The following SCN1A variants were observed in gnomAD, a reference collection of about 807,000 sequenced individuals.
SCN1A encodes the protein sodium channel protein type 1 subunit alpha.
SCN1A carries 13 observed loss-of-function variants against 193.7 expected under a neutral mutation model. The ratio of observed to expected loss-of-function variants is 0.07; its 90% CI spans 0.04 to 0.11. SCN1A has a LOEUF of 0.11. SCN1A is among the 10% of genes least tolerant of loss of function. The pLI, the probability that SCN1A is intolerant of heterozygous loss-of-function variation, is 1.00. For synonymous variants in SCN1A, 781 were observed against 843.6 expected, an observed-to-expected ratio of 0.93 and a Z score of 1.29; for missense variants, 1,432 against 2,451.1, an observed-to-expected ratio of 0.58 and a Z score of 8.78.
intron 2 of SCN1A, among the ~76,000 whole-genome samples, chr2:166,105,118 T>C (rs1397676514): frequency 1.3e-5 from 2 of 152,220 alleles, no homozygotes; most frequent in African/African-American, 4.8e-5. Flanking sequence ...TTTATACATA[T>C]TTGCTTGCTG....
At chr2:166,040,307 T>C (rs1419547701) in intron 16 of SCN1A, among the ~76,000 whole-genome samples, 1 of 152,226 alleles carries the variant, frequency 6.6e-6, no homozygotes, top group Admixed American at 6.5e-5. Context: ...GACAACATTT[T>C]GCCCATGAGC....
intron 20 of SCN1A, among the ~76,000 whole-genome samples, chr2:166,014,377 T>G (rs1692964909): frequency 6.6e-6 from 1 of 151,618 alleles, no homozygotes; most frequent in African/African-American, 2.4e-5. Flanking sequence ...GCTTATGTAA[T>G]TTGCATAATT....
At chr2:165,994,523 A>G in intron 27 of SCN1A, 107 bp from the exon 28 acceptor site, 1 of 960,070 alleles carries the variant, frequency 1.0e-6, no homozygotes, top group South Asian at 1.5e-5. Context: ...CAAAGTAGTC[A>G]TTGGCCCTGA....
intron 4 of SCN1A, among the ~76,000 whole-genome samples, chr2:166,066,271 A>G (rs767360581): frequency 2.0e-5 from 3 of 152,188 alleles, no homozygotes; most frequent in Non-Finnish European, 4.4e-5. Flanking sequence ...CAGAATGTAC[A>G]TACCATGGGT....
intron 2 of SCN1A, among the ~76,000 whole-genome samples, chr2:166,082,192 A>G (rs909159126): frequency 9.9e-5 from 15 of 151,982 alleles, no homozygotes; most frequent in South Asian, 4.2e-4. Context: ...CCTCTCATTT[A>G]ATAGAAAACA....
At chr2:165,996,953 AAAAATT>A (rs1251175652) in intron 26 of SCN1A, among the ~76,000 whole-genome samples, 2 of 151,488 alleles carry the variant, frequency 1.3e-5, no homozygotes, top group African/African-American at 4.8e-5. Context: ...TAAAAGTCAT[AAAAATT>A]AAAATTAAAT....
chr2:166,049,843 T>A (rs1698324861), intron 9 of SCN1A, among the ~76,000 whole-genome samples: 1 of 152,034 alleles, frequency 6.6e-6, no homozygotes, highest in South Asian at 2.1e-4. Flanking sequence ...TCTATATTAG[T>A]GTTTGTTTGA....
chr2:166,149,069 TCAGCTTCCTC>T (rs1692431848), exon 1 of SCN1A: 2 of 152,244 alleles, frequency 1.3e-5, no homozygotes, highest in Admixed American at 1.3e-4. Flanking sequence ...TAGTAAAAGC[TCAGCTTCCTC>T]CAGCTTCCAT....
At chr2:165,995,800 G>A (rs2105459658) in intron 27 of SCN1A, among the ~76,000 whole-genome samples, 1 of 151,356 alleles carries the variant, frequency 6.6e-6, no homozygotes, top group South Asian at 2.1e-4. Flanking sequence ...TGAAGTCAAG[G>A]GTGTATCTTC....
Position 165,991,704 on chromosome 2 carries a change from C to T in SCN1A, c.5571G>A (p.Val1857=), listed in dbSNP as rs142019382. 776 of 1,613,926 alleles carry T rather than the reference C, an allele frequency of 4.8e-4. 5 individuals carry two copies. The highest frequency in any genetic ancestry group is 8.3e-5 in the Non-Finnish European group (98 of 1,179,932). ...LQLIAMDLPM[V]SGDRIHCLDI... ...CAAGACAGTGGATCCGGTCACCACT[C>T]ACCATGGGCAAATCCATGGCAATGA... is the stretch of plus-strand genomic sequence containing the variant. The change falls in exon 29 of 29, where the codon GTG becomes GTA. Residue 1857 remains valine (V), a synonymous_variant. Coordinates refer to ENST00000674923, the MANE Select transcript of SCN1A (RefSeq NM_001165963.4).
chr2:166,039,308 C>T (rs1274609245), intron 17 of SCN1A, 115 bp downstream of exon 17: 22 of 1,050,270 alleles, frequency 2.1e-5, no homozygotes, highest in Non-Finnish European at 3.1e-5. Flanking sequence ...GCAAATGTTA[C>T]AGAAAAACTT....
intron 19 of SCN1A, among the ~76,000 whole-genome samples, chr2:166,017,840 G>A (rs1261489843): frequency 1.3e-5 from 2 of 151,956 alleles, no homozygotes; most frequent in African/African-American, 4.8e-5. Context: ...ATATATAATT[G>A]TTATCTGCTA....
intron 19 of SCN1A, among the ~76,000 whole-genome samples, chr2:166,031,372 G>A (rs112285104): frequency 7.9e-5 from 12 of 151,974 alleles, no homozygotes; most frequent in Admixed American, 1.3e-4. Flanking sequence ...TGTGATTTAC[G>A]CCCCCGGAAT....
chr2:166,010,394 G>A (rs945390861), intron 22 of SCN1A, among the ~76,000 whole-genome samples: 3 of 151,100 alleles, frequency 2.0e-5, no homozygotes, highest in African/African-American at 7.3e-5. Flanking sequence ...TTTTACATAA[G>A]TAACTTAGAA....
chr2:166,101,820 T>A (rs1290676381), intron 2 of SCN1A, among the ~76,000 whole-genome samples: 1 of 152,108 alleles, frequency 6.6e-6, no homozygotes, highest in Non-Finnish European at 1.5e-5. Flanking sequence ...TGGCAAAGAT[T>A]TCATGACAAA....
At chr2:166,030,848 ATAC>A (rs1480454324) in intron 19 of SCN1A, among the ~76,000 whole-genome samples, 2 of 152,104 alleles carry the variant, frequency 1.3e-5, no homozygotes, top group Admixed American at 1.3e-4. Context: ...ATGTTATAAA[ATAC>A]TATCCAAAAC....
At chr2:166,123,986 G>A (rs994561310) in intron 2 of SCN1A, among the ~76,000 whole-genome samples, 1 of 151,970 alleles carries the variant, frequency 6.6e-6, no homozygotes, top group African/African-American at 2.4e-5. Flanking sequence ...TTAGATTTCT[G>A]CTTAAAAAAA....
At chr2:166,045,670 G>C (rs886651638) in intron 12 of SCN1A, among the ~76,000 whole-genome samples, 4 of 152,076 alleles carry the variant, frequency 2.6e-5, no homozygotes, top group Non-Finnish European at 5.9e-5. Flanking sequence ...AATTAGTGTT[G>C]TTTTCTTTTC....
At chr2:166,029,249 G>A (rs781230045) in intron 19 of SCN1A, among the ~76,000 whole-genome samples, 1 of 152,036 alleles carries the variant, frequency 6.6e-6, no homozygotes, top group Non-Finnish European at 1.5e-5. Context: ...GAACGGTTAC[G>A]GGATTTGCAT....
Sources: allele counts gnomAD v4.1 joint callset (sites outside exome capture counted in the v4.1 genomes callset), GRCh38; gene constraint gnomAD v4.1.1; transcripts MANE v1.5; gene names NCBI Gene and HGNC (gene_info 2026-07-23, HGNC 2026-07-21).